TGM6: variants seen among roughly 807,000 people sequenced by gnomAD.
TGM6 encodes transglutaminase 6.
A neutral mutation model predicts 77.5 loss-of-function variants in TGM6; 74 were observed. That is an observed-to-expected ratio of 0.96 (90% CI 0.79 to 1.16). The LOEUF (loss-of-function observed/expected upper bound fraction) is 1.16, where lower values mean the gene tolerates loss of function less well. Ranked by LOEUF, TGM6 falls within the 50% of genes most tolerant of loss-of-function variation. The probability of loss-of-function intolerance (pLI) is 0.00; values close to 1 mark genes in which losing one functional copy is unlikely to be tolerated. For missense variants in TGM6, 968 were observed against 940.2 expected (o/e 1.03, Z -0.39); for synonymous variants, 383 against 378.9 (o/e 1.01, Z -0.12).
Position 2,399,655 on chromosome 20 carries a change from C to T in TGM6, c.767C>T (p.Ala256Val). ...TSPLHWRGSV[A>V]ILQKWLKGRY... ...CCGCTGCACTGGCGCGGCAGCGTGGCCATTCTGCAGAAGTGGCTCAAGGGC... is the reference window on the plus strand; with the variant it reads ...CCGCTGCACTGGCGCGGCAGCGTGGTCATTCTGCAGAAGTGGCTCAAGGGC... The change falls in exon 6 of 13, where the codon GCC becomes GTC. Residue 256 changes from alanine (A) to valine (V), a missense_variant. Coordinates refer to ENST00000202625, the MANE Select transcript of TGM6 (RefSeq NM_198994.3). 1 of 1,613,746 alleles carries T rather than the reference C, an allele frequency of 6.2e-7. No individual in the cohort carries two copies. The highest frequency in any genetic ancestry group is 1.1e-5 in the South Asian group (1 of 91,050).
intron 10 of TGM6, among the ~76,000 whole-genome samples, chr20:2,423,870 G>A (rs2084871654): frequency 6.6e-6 from 1 of 152,142 alleles, no homozygotes; most frequent in Admixed American, 6.5e-5. Flanking sequence ...ATGTTAACAG[G>A]CATGAAAATA....
rs1260515282 is a variant in TGM6, at chr20:2,403,384, C to G, written c.990-13C>G. 1.2e-6 allele frequency: 2 copies of G among 1,614,012 alleles called. No individual in the cohort carries two copies. Among genetic ancestry groups the G allele is most frequent in the Admixed American group, 1.7e-5 (1 of 59,992 alleles). ...CACTCTAGGCAGCTTCACCCATCCT[C>G]TCTCTGTGGCAGGAATTTCCATGTC... On this transcript the variant is annotated splice_polypyrimidine_tract_variant and intron_variant, in intron 7 of 12. Coordinates refer to ENST00000202625, the MANE Select transcript of TGM6 (RefSeq NM_198994.3).
Position 2,417,378 on chromosome 20 carries a change from A to G in TGM6, c.1483A>G (p.Ile495Val), listed in dbSNP as rs765902493. 8.7e-6 allele frequency: 14 copies of G among 1,613,860 alleles called. No homozygotes were observed. In the Admixed American group the frequency reaches 2.3e-4, roughly 27 times the overall value. The part of the protein sequence containing the change: ...DLLEPATKPS[I>V]AGKFKVLEPP... ...CCTGGAGCCTGCCACCAAGCCCAGC[A>G]TCGCTGGCAAGTTCAAGGTGCTAGA... is the stretch of plus-strand genomic sequence containing the variant. Residue 495 changes from isoleucine (I) to valine (V), a missense_variant, in exon 10 of 13, where the codon ATC becomes GTC. Coordinates refer to ENST00000202625, the MANE Select transcript of TGM6 (RefSeq NM_198994.3).
At chr20:2,432,358 T>C in intron 12 of TGM6, 132 bp from the exon 13 acceptor site, 1 of 1,185,456 alleles carries the variant, frequency 8.4e-7, no homozygotes, top group African/African-American at 1.6e-5. Context: ...TGCAAACATG[T>C]TGATAAGGCT....
intron 10 of TGM6, among the ~76,000 whole-genome samples, chr20:2,418,105 C>T (rs552109400): frequency 1.0e-3 from 152 of 152,106 alleles, no homozygotes; most frequent in Admixed American, 2.3e-3. Flanking sequence ...CTCCACCTCC[C>T]GGGTTCAAGG....
At chr20:2,424,528 C>T (rs1312466322) in intron 10 of TGM6, among the ~76,000 whole-genome samples, 1 of 152,208 alleles carries the variant, frequency 6.6e-6, no homozygotes, top group Non-Finnish European at 1.5e-5. Context: ...CTGGATTAGG[C>T]TTTGGCTTAA....
In TGM6 at chr20:2,395,351, G is replaced by A. The variant is rs1204778259; in HGVS notation, c.339G>A (p.Leu113=). 1.9e-6 allele frequency: 3 copies of A among 1,614,136 alleles called. No individual in the cohort carries two copies. The Admixed American group carries it at 5.0e-5, about 27-fold the overall frequency. ...CCAGTGCTGTCATTGGCCGCTACCT[G>A]CTGAGCATCAGGCTTTCCTCTCACC... The part of the protein sequence containing the change: ...SPPSAVIGRY[L]LSIRLSSHRK... The change falls in exon 3 of 13, where the codon CTG becomes CTA. Residue 113 remains leucine (L), a synonymous_variant. Transcript: ENST00000202625.
intron 1 of TGM6, among the ~76,000 whole-genome samples, chr20:2,388,244 A>G (rs2084608812): frequency 6.6e-6 from 1 of 152,194 alleles, no homozygotes; most frequent in African/African-American, 2.4e-5. Flanking sequence ...TAACTAAAAG[A>G]TTTTACAAAG....
chr20:2,413,051 A>T (rs1317362222), intron 9 of TGM6, among the ~76,000 whole-genome samples: 2 of 152,172 alleles, frequency 1.3e-5, no homozygotes, highest in East Asian at 1.9e-4. Flanking sequence ...TTGGAAACAC[A>T]AGGGAACCCC....
chr20:2,413,237 C>T (rs1041835306), intron 9 of TGM6, among the ~76,000 whole-genome samples: 10 of 152,092 alleles, frequency 6.6e-5, no homozygotes, highest in African/African-American at 2.2e-4. Context: ...GCAACATGGA[C>T]GACTTCATCT....
In TGM6 at chr20:2,417,514, G is replaced by T. The variant is rs774913444; in HGVS notation, c.1619G>T (p.Arg540Leu). ...AGCGGTGCCACCATCCTCTATACCC[G>T]CAAGCCAGTGGCAGAGATCCTGCAT... ...NLSGATILYTRKPVAEILHES... is the reference protein window; with the variant it reads ...NLSGATILYTLKPVAEILHES... Residue 540 changes from arginine (R) to leucine (L), a missense_variant, in exon 10 of 13, where the codon CGC becomes CTC. By Grantham distance (102) the Arg-to-Leu change is moderately radical (BLOSUM62 -2). Coordinates refer to ENST00000202625, the MANE Select transcript of TGM6 (RefSeq NM_198994.3). 6.2e-7 allele frequency: 1 copy of T among 1,606,792 alleles called. No individual in the cohort carries two copies. Among genetic ancestry groups the T allele is most frequent in the Non-Finnish European group, 8.5e-7 (1 of 1,179,850 alleles).
At chr20:2,403,904 G>C in intron 9 of TGM6, 81 bp downstream of exon 9, 1 of 1,608,282 alleles carries the variant, frequency 6.2e-7, no homozygotes, top group Non-Finnish European at 8.5e-7. Flanking sequence ...GTGGCCTGGA[G>C]CCAGGCCTCA....
At position 2,399,720 on chromosome 20, in the gene TGM6, G is replaced by A. The variant is rs1446647275; in HGVS notation, c.832G>A (p.Ala278Thr). 20 of 1,613,824 alleles carry A rather than the reference G, an allele frequency of 1.2e-5. No homozygotes were observed. Among genetic ancestry groups the A allele is most frequent in the Middle Eastern group, 1.7e-4 (1 of 6,006 alleles). ...PVKYGQCWVF[A>T]GVLCTVLRCL... is the part of the protein sequence containing the mutation. ...CAAGTACGGCCAGTGCTGGGTCTTC[G>A]CCGGAGTCCTGTGCACAGGTACCCT... is the stretch of plus-strand genomic sequence containing the variant. The change falls in exon 6 of 13, where the codon GCC (alanine) becomes ACC (threonine). Residue 278 changes from alanine to threonine, a missense_variant. Ala to Thr is a moderately conservative substitution (Grantham distance 58, BLOSUM62 0). Transcript: ENST00000202625.
chr20:2,388,734 T>C (rs6036327), intron 1 of TGM6, among the ~76,000 whole-genome samples: 2,054 of 152,290 alleles, frequency 0.013, 46 homozygotes, highest in African/African-American at 0.047. Context: ...AATGAGCTAA[T>C]ATTTATAAAA....
At chr20:2,417,673 G>C in intron 10 of TGM6, 100 bp downstream of exon 10, 1 of 1,288,086 alleles carries the variant, frequency 7.8e-7, no homozygotes, top group Non-Finnish European at 1.1e-6. Context: ...TTCATCCCCA[G>C]GAAGGAAGGG....
chr20:2,430,778 A>T, intron 11 of TGM6, 116 bp from the exon 12 acceptor site: 1 of 1,595,466 alleles, frequency 6.3e-7, no homozygotes, highest in Non-Finnish European at 8.6e-7. Context: ...GCAATGGGGT[A>T]TATGGAGGTG....
At chr20:2,428,199 T>A (rs1014896091) in intron 10 of TGM6, among the ~76,000 whole-genome samples, 6 of 152,350 alleles carry the variant, frequency 3.9e-5, no homozygotes, top group Non-Finnish European at 8.8e-5. Context: ...GAAGAATGCG[T>A]ATCCTGCTGT....
intron 1 of TGM6, among the ~76,000 whole-genome samples, chr20:2,385,934 C>T (rs6083018): frequency 0.081 from 12,340 of 152,158 alleles, 578 homozygotes; most frequent in African/African-American, 0.096. Flanking sequence ...GAGGGAGAGA[C>T]GTATGTAAGC....
In TGM6 at chr20:2,417,213, G is replaced by A. The variant is rs373580673; in HGVS notation, c.1337-19G>A. 1.7e-5 allele frequency: 27 copies of A among 1,579,924 alleles called. No individual in the cohort carries two copies. The highest frequency in any genetic ancestry group is 6.9e-5 in the South Asian group (6 of 86,624). On this transcript the variant is annotated intron_variant, in intron 9 of 12. Coordinates refer to ENST00000202625, the MANE Select transcript of TGM6 (RefSeq NM_198994.3). ...GAGCAAGGGGGTGCCTGCCGCTGACGTTGTGTGATGCCCTGCAGGGTCCCG... is the reference window on the plus strand; with the variant it reads ...GAGCAAGGGGGTGCCTGCCGCTGACATTGTGTGATGCCCTGCAGGGTCCCG...
Sources: gnomAD v4.1 joint callset for allele counts (sites outside exome capture counted in the v4.1 genomes callset) on GRCh38, gnomAD v4.1.1 for gene constraint, MANE v1.5 for transcripts, NCBI Gene and HGNC (gene_info 2026-07-23, HGNC 2026-07-21) for gene names.